The following ZNF44 variants were observed in gnomAD, a reference collection of about 807,000 sequenced individuals.
ZNF44 encodes the protein zinc finger protein 44, also known as gonadotropin inducible transcription repressor-2.
In ZNF44, 9 loss-of-function variants were observed where a neutral mutation model predicts 11.7. That is an observed-to-expected ratio of 0.77 (90% CI 0.46 to 1.35). The LOEUF (loss-of-function observed/expected upper bound fraction) is 1.35, where lower values mean the gene tolerates loss of function less well. Ranked by LOEUF, ZNF44 falls within the 40% of genes most tolerant of loss-of-function variation. The pLI is 0.00. For missense variants in ZNF44, 696 were observed against 743.1 expected (o/e 0.94, Z 0.74); for synonymous variants, 224 against 242.7 (o/e 0.92, Z 0.72).
chr19:12,275,900 T>A lies in ZNF44; in HGVS notation c.130+56A>T, dbSNP rs181585363. 1.5e-4 allele frequency: 226 copies of A among 1,525,942 alleles called. No homozygotes were observed. The East Asian group carries it at 4.8e-3, about 32-fold the overall frequency. 94.5% of individuals were successfully genotyped at this position (1,525,942 alleles called of 1,614,324 possible). ...ATTTCAAATCACTGAACAGCATTGA[T>A]GACCACAAAACAAATGTCTCTAATT... On this transcript the variant is annotated intron_variant, in intron 2 of 3. Transcript: ENST00000355684.
intron 5 of ZNF44, among the ~76,000 whole-genome samples, chr19:12,256,352 G>A (rs1345220720): frequency 2.0e-5 from 3 of 152,022 alleles, no homozygotes; most frequent in African/African-American, 4.8e-5. Flanking sequence ...AGCCAGGCAT[G>A]GTGGTGTATG....
At chr19:12,284,438 G>T in intron 1 of ZNF44, 1 of 636,352 alleles carries the variant, frequency 1.6e-6, no homozygotes, top group Non-Finnish European at 2.9e-6. Flanking sequence ...GTGGCATCCG[G>T]GGCCGGGGCC....
intron 1 of ZNF44, among the ~76,000 whole-genome samples, chr19:12,277,982 G>A (rs1967304309): frequency 6.6e-6 from 1 of 152,200 alleles, no homozygotes; most frequent in African/African-American, 2.4e-5. Context: ...GGCCAGGTGT[G>A]GTGGCTCACA....
chr19:12,242,153 T>C (rs941576250), upstream of ZNF44, among the ~76,000 whole-genome samples: 2 of 152,122 alleles, frequency 1.3e-5, no homozygotes, highest in African/African-American at 4.8e-5. Flanking sequence ...TGTTAATGTA[T>C]TTAATGCTAC....
In ZNF44 at chr19:12,273,107, T is replaced by A. The variant is rs1967032269; in HGVS notation, c.1148A>T (p.His383Leu). The change falls in exon 4 of 4, where the codon CAC becomes CTC. Residue 383 changes from histidine to leucine, a missense_variant. His to Leu is a moderately conservative substitution (Grantham distance 99). Coordinates refer to ENST00000355684, the MANE Select transcript of ZNF44 (RefSeq NM_016264.4). ...GCCATCTCCAGTGTGTGCCATCATG[T>A]GTCTTCGAAAGCTTGAGCGATGAGA... ...LLSHRSSFRR[H>L]MMAHTGDGPH... is the part of the protein sequence containing the mutation. The A allele has an allele frequency of 3.1e-6, 5 of 1,613,928 alleles. No homozygotes were observed. Among genetic ancestry groups the A allele is most frequent in the Non-Finnish European group, 4.2e-6 (5 of 1,179,894 alleles).
At chr19:12,255,127 CA>C (rs1211887958) in intron 5 of ZNF44, among the ~76,000 whole-genome samples, 190 of 145,682 alleles carry the variant, frequency 1.3e-3, no homozygotes, top group East Asian at 8.4e-3. Context: ...CACACACACA[CA>C]CACACCCCTT....
chr19:12,269,832 C>T (rs1966897513), downstream of ZNF44, among the ~76,000 whole-genome samples: 3 of 152,170 alleles, frequency 2.0e-5, no homozygotes, highest in South Asian at 6.2e-4. Flanking sequence ...ATATATATAT[C>T]CATGGAGGTG....
Position 12,272,806 on chromosome 19 carries a change from T to C in ZNF44, c.1449A>G (p.Lys483=), listed in dbSNP as rs754079487. Residue 483 remains lysine, a synonymous_variant, in exon 4 of 4, where the codon AAA becomes AAG. Coordinates refer to ENST00000355684, the MANE Select transcript of ZNF44 (RefSeq NM_016264.4). ...EEPYECKECG[K]AFSSFKYFCR... is the part of the protein sequence containing the mutation. ...AAAAGTATTTAAAAGAACTAAATGC[T>C]TTCCCACACTCCTTACATTCATAAG... 9 of 1,613,946 alleles carry C rather than the reference T, an allele frequency of 5.6e-6. No homozygotes were observed. The highest frequency in any genetic ancestry group is 6.8e-6 in the Non-Finnish European group (8 of 1,179,874).
chr19:12,235,604 G>T (rs1042381447), intron 1 of ZNF44, among the ~76,000 whole-genome samples: 5 of 152,052 alleles, frequency 3.3e-5, no homozygotes, highest in Non-Finnish European at 7.4e-5. Flanking sequence ...TGTATAAAAA[G>T]AATTATACAC....
At position 12,272,377 on chromosome 19, in the gene ZNF44, C is replaced by A; in HGVS notation, c.*30G>T. The A allele has an allele frequency of 6.7e-7, 1 of 1,493,508 alleles. No individual in the cohort carries two copies. Among genetic ancestry groups the A allele is most frequent in the Non-Finnish European group, 8.9e-7 (1 of 1,123,522 alleles). 92.5% of individuals were successfully genotyped at this position (1,493,508 alleles called of 1,614,324 possible). ...TTTCAAGTATCTGAATGTGATAAAA[C>A]CAATGAATGCTTTCCCACATTCCAT... On this transcript the variant is annotated 3_prime_UTR_variant, in exon 4 of 4. Coordinates refer to ENST00000355684, the MANE Select transcript of ZNF44 (RefSeq NM_016264.4).
At chr19:12,279,527 C>G (rs1433416487) in intron 1 of ZNF44, among the ~76,000 whole-genome samples, 1 of 150,092 alleles carries the variant, frequency 6.7e-6, no homozygotes, top group African/African-American at 2.5e-5. Context: ...AACAGAGAAA[C>G]ATGAAAATAC....
intron 7 of ZNF44, among the ~76,000 whole-genome samples, chr19:12,249,507 GAAAAAAA>G (rs958860050): frequency 1.6e-5 from 1 of 60,764 alleles, no homozygotes; most frequent in African/African-American, 7.1e-5. Context: ...CTCCGTCTCA[GAAAAAAA>G]AAAAAAAAAA....
At chr19:12,238,080 G>C (rs1916462187), upstream of ZNF44, 1 of 152,184 alleles carries the variant, frequency 6.6e-6, no homozygotes, top group Non-Finnish European at 1.5e-5. Context: ...CATGGCCAAG[G>C]CTTCCTCATA....
intron 5 of ZNF44, among the ~76,000 whole-genome samples, chr19:12,263,215 C>T (rs768946540): frequency 9.2e-5 from 14 of 151,928 alleles, no homozygotes; most frequent in Non-Finnish European, 1.9e-4. Flanking sequence ...GCCTCCTGAG[C>T]AGCTGGGATT....
intron 7 of ZNF44, among the ~76,000 whole-genome samples, chr19:12,249,260 C>CT (rs773909363): frequency 5.9e-4 from 89 of 151,248 alleles, no homozygotes; most frequent in Non-Finnish European, 1.0e-3. Flanking sequence ...AATCCCAGCA[C>CT]TTTGGGAGGC....
intron 3 of ZNF44, among the ~76,000 whole-genome samples, chr19:12,228,200 ATTGT>A (rs1471289344): frequency 7.3e-6 from 1 of 137,724 alleles, no homozygotes; most frequent in Non-Finnish European, 1.6e-5. Flanking sequence ...CTTCAAAACA[ATTGT>A]TTAACTTTTT....
intron 1 of ZNF44, among the ~76,000 whole-genome samples, chr19:12,286,997 C>A (rs184026065): frequency 6.6e-6 from 1 of 151,194 alleles, no homozygotes; most frequent in Non-Finnish European, 1.5e-5. Flanking sequence ...TTGGGTAATA[C>A]CCTAAAATGT....
intron 1 of ZNF44, among the ~76,000 whole-genome samples, chr19:12,288,949 T>A (rs1387618194): frequency 6.6e-6 from 1 of 151,592 alleles, no homozygotes; most frequent in African/African-American, 2.4e-5. Context: ...CCATTCTTTG[T>A]CTTATAAATA....
downstream of ZNF44, chr19:12,247,134 T>G (rs116397755): frequency 4.4e-6 from 1 of 227,408 alleles, no homozygotes; most frequent in African/African-American, 2.3e-5. Context: ...GCATGAATTT[T>G]CTAGAGCATT....
Sources: gnomAD v4.1 joint callset for allele counts (sites outside exome capture counted in the v4.1 genomes callset) on GRCh38, gnomAD v4.1.1 for gene constraint, MANE v1.5 for transcripts, NCBI Gene and HGNC (gene_info 2026-07-23, HGNC 2026-07-21) for gene names.